PLCG2: variants seen among roughly 807,000 people sequenced by gnomAD.
PLCG2 encodes 1-phosphatidylinositol 4,5-bisphosphate phosphodiesterase gamma-2.
Under a neutral mutation model 175.6 loss-of-function variants are expected in PLCG2, and 69 were observed. The observed-to-expected ratio is 0.39, with a 90% CI of 0.32 to 0.48. The LOEUF is 0.48. PLCG2 is among the 20% of genes least tolerant of loss of function. PLCG2 has a pLI of 0.91. For missense variants in PLCG2, 1,798 were observed against 1,650.9 expected (o/e 1.09, Z -1.54); for synonymous variants, 827 against 624.0 (o/e 1.33, Z -4.85).
intron 1 of PLCG2, among the ~76,000 whole-genome samples, chr16:81,780,908 T>C (rs2046767657): frequency 6.6e-6 from 1 of 152,052 alleles, no homozygotes; most frequent in Admixed American, 6.6e-5. Flanking sequence ...CCGCCTGTAA[T>C]CCCAGCTACC....
At chr16:81,834,375 G>C (rs1938853641) in intron 2 of PLCG2, among the ~76,000 whole-genome samples, 1 of 152,272 alleles carries the variant, frequency 6.6e-6, no homozygotes, top group Non-Finnish European at 1.5e-5. Flanking sequence ...GAGAGTCTTA[G>C]CCCAGGAGCC....
intron 2 of PLCG2, among the ~76,000 whole-genome samples, chr16:81,850,575 G>T (rs1476285585): frequency 1.3e-5 from 2 of 152,162 alleles, no homozygotes; most frequent in African/African-American, 4.8e-5. Context: ...CTTTATTGGA[G>T]CTTATGCCCA....
At position 81,782,137 on chromosome 16, in the gene PLCG2, A is replaced by G. The variant is rs577002707; in HGVS notation, c.-48+2713A>G. On this transcript the variant is annotated intron_variant, in intron 1 of 32. Transcript: ENST00000564138. ...ATGATCCGCCCACCTCGGCCTCCCA[A>G]AGTGCTGGAATTACAGTCATAAGCC... 2.9e-3 allele frequency among the ~76,000 whole-genome samples: 440 copies of G among 152,126 alleles called. 4 individuals carry two copies. The highest frequency in any genetic ancestry group is 3.9e-3 in the Non-Finnish European group (265 of 67,978).
chr16:81,811,732 G>A (rs946964018), intron 2 of PLCG2, among the ~76,000 whole-genome samples: 6 of 152,144 alleles, frequency 3.9e-5, no homozygotes, highest in Non-Finnish European at 7.3e-5. Flanking sequence ...GTATTCCATG[G>A]TGTATATGTG....
At chr16:81,742,161 G>GTT (rs1567690606) in intron 1 of PLCG2, among the ~76,000 whole-genome samples, 1 of 141,884 alleles carries the variant, frequency 7.0e-6, no homozygotes, top group Non-Finnish European at 1.5e-5. Context: ...GGGCGGGGGG[G>GTT]GGGGCGGTGT....
At position 81,910,557 on chromosome 16, in the gene PLCG2, A is replaced by C. The variant is rs2143657441; in HGVS notation, c.1771A>C (p.Thr591Pro). Reference protein sequence around the residue: ...GRVQHCRIRSTMEGGTLKYYL... With the variant: ...GRVQHCRIRSPMEGGTLKYYL... ...GGTCCAGCACTGCCGGATCCGCTCC[A>C]CCATGGAGGGCGGGACCCTGAAATA... The change falls in exon 18 of 33, where the codon ACC becomes CCC. Residue 591 changes from threonine (T) to proline (P), a missense_variant. Transcript: ENST00000564138. 6.2e-7 allele frequency: 1 copy of C among 1,614,066 alleles called. No homozygotes were observed. Among genetic ancestry groups the C allele is most frequent in the South Asian group, 1.1e-5 (1 of 91,084 alleles).
intron 2 of PLCG2, among the ~76,000 whole-genome samples, chr16:81,804,686 A>G (rs1409970337): frequency 6.6e-6 from 1 of 152,166 alleles, no homozygotes; most frequent in Non-Finnish European, 1.5e-5. Context: ...GCCTCAGCCC[A>G]GGGAGTGTAT....
chr16:81,741,175 GTGAT>G, intron 1 of PLCG2, among the ~76,000 whole-genome samples: 1 of 152,166 alleles, frequency 6.6e-6, no homozygotes, highest in African/African-American at 2.4e-5. Flanking sequence ...CAGGTCTGAT[GTGAT>G]TAGAGCTCGC....
chr16:81,817,610 A>C (rs1235916296), intron 2 of PLCG2, among the ~76,000 whole-genome samples: 1 of 152,224 alleles, frequency 6.6e-6, no homozygotes, highest in South Asian at 2.1e-4. Context: ...TGTATGTAGA[A>C]CATCAGAGGG....
At chr16:81,816,244 G>A (rs1200940481) in intron 2 of PLCG2, among the ~76,000 whole-genome samples, 2 of 152,062 alleles carry the variant, frequency 1.3e-5, no homozygotes, top group East Asian at 1.9e-4. Context: ...GGCAGCACAT[G>A]CCTGTAATCC....
At chr16:81,792,480 C>CAAAAAAAAAAAAAAAAAAAAAAA (rs532680550) in intron 2 of PLCG2, among the ~76,000 whole-genome samples, 13 of 70,160 alleles carry the variant, frequency 1.9e-4, no homozygotes, top group South Asian at 5.7e-4. Flanking sequence ...GGCTCTGTCT[C>CAAAAAAAAAAAAAAAAAAAAAAA]AAAAAAAAAA....
intron 25 of PLCG2, among the ~76,000 whole-genome samples, chr16:81,932,462 G>C (rs1481568245): frequency 2.0e-5 from 3 of 152,212 alleles, no homozygotes; most frequent in Non-Finnish European, 2.9e-5. Context: ...AGAAATTGTA[G>C]GGTTTCCCAT....
intron 24 of PLCG2, among the ~76,000 whole-genome samples, chr16:81,930,115 C>T (rs909165576): frequency 2.6e-5 from 4 of 152,094 alleles, no homozygotes; most frequent in Non-Finnish European, 4.4e-5. Context: ...GTGGGTGGAT[C>T]CCTTGAGCCC....
chr16:81,919,573 A>G lies in PLCG2; in HGVS notation c.2144A>G (p.Glu715Gly). 1 of 1,614,030 alleles carries G rather than the reference A, an allele frequency of 6.2e-7. No homozygotes were observed. Among genetic ancestry groups the G allele is most frequent in the Non-Finnish European group, 8.5e-7 (1 of 1,179,936 alleles). The change falls in exon 20 of 33, where the codon GAG becomes GGG. Residue 715 changes from glutamate (E) to glycine (G), a missense_variant. Physicochemically the swap from Glu to Gly is moderately conservative, Grantham distance 98. Coordinates refer to ENST00000564138, the MANE Select transcript of PLCG2 (RefSeq NM_002661.5). ...GTSAYFESLV[E>G]LVSYYEKHSL... The stretch of plus-strand genomic sequence containing the variant: ...TCCGCCTATTTTGAGAGTCTGGTGG[A>G]GCTCGTCAGTTACTACGAGAAGCAT...
intron 2 of PLCG2, among the ~76,000 whole-genome samples, chr16:81,839,410 G>C (rs1447357688): frequency 3.3e-5 from 5 of 151,858 alleles, no homozygotes; most frequent in Non-Finnish European, 7.4e-5. Context: ...GTGTAATTTT[G>C]ATACACAGTA....
At chr16:81,933,095 C>T (rs1324183037) in intron 25 of PLCG2, among the ~76,000 whole-genome samples, 2 of 152,244 alleles carry the variant, frequency 1.3e-5, no homozygotes, top group Non-Finnish European at 2.9e-5. Context: ...TCTCCTGCCG[C>T]GTGAAGGTTC....
At chr16:81,774,992 C>G (rs1279653382), upstream of PLCG2, among the ~76,000 whole-genome samples, 2 of 152,248 alleles carry the variant, frequency 1.3e-5, no homozygotes, top group Non-Finnish European at 1.5e-5. Flanking sequence ...GTGGTCCACC[C>G]TCCTTAGCCT....
chr16:81,860,413 G>A (rs1030481437), intron 5 of PLCG2, among the ~76,000 whole-genome samples: 12 of 151,962 alleles, frequency 7.9e-5, no homozygotes, highest in Non-Finnish European at 1.3e-4. Flanking sequence ...TAAATTCTCA[G>A]AAACGAATAC....
chr16:81,771,676 C>G (rs527861214), intron 2 of PLCG2, among the ~76,000 whole-genome samples: 1 of 151,870 alleles, frequency 6.6e-6, no homozygotes, highest in South Asian at 2.1e-4. Flanking sequence ...TGTGACCCCC[C>G]CCAACCCCCC....
Sources: allele counts gnomAD v4.1 joint callset (sites outside exome capture counted in the v4.1 genomes callset), GRCh38; gene constraint gnomAD v4.1.1; transcripts MANE v1.5; gene names NCBI Gene and HGNC (gene_info 2026-07-23, HGNC 2026-07-21).